KCNIP4: variants seen among roughly 807,000 people sequenced by gnomAD.
KCNIP4 encodes the protein potassium voltage-gated channel interacting protein 4.
A neutral mutation model predicts 34.0 loss-of-function variants in KCNIP4; 12 were observed. The ratio of observed to expected loss-of-function variants is 0.35; its 90% CI spans 0.23 to 0.57. The LOEUF (loss-of-function observed/expected upper bound fraction) is 0.57, where lower values mean the gene tolerates loss of function less well. Ranked by LOEUF, KCNIP4 falls within the 20% of genes least tolerant of loss-of-function variation. The probability of loss-of-function intolerance (pLI) is 0.83; values close to 1 mark genes in which losing one functional copy is unlikely to be tolerated. For missense variants in KCNIP4, 238 were observed against 311.7 expected, an observed-to-expected ratio of 0.76 and a Z score of 1.78; for synonymous variants, 124 against 102.2, an observed-to-expected ratio of 1.21 and a Z score of -1.29.
rs568814359 is a variant in KCNIP4 at position 20,982,311 on chromosome 4, G to A, written c.62-99602C>T. Among the ~76,000 whole-genome samples, 19 of 152,214 alleles carry A rather than the reference G, an allele frequency of 1.2e-4. No homozygotes were observed. In the South Asian group the frequency reaches 3.1e-3, roughly 25 times the overall value. On this transcript the variant is annotated intron_variant, in intron 1 of 8. Coordinates refer to ENST00000382152, the MANE Select transcript of KCNIP4 (RefSeq NM_025221.6). Reference sequence around the variant, plus strand: ...TCAACTAAGTCCAGAGAACCAAAACGTGGTGACAAAACAGAAGCAAATTAT... The same window carrying A: ...TCAACTAAGTCCAGAGAACCAAAACATGGTGACAAAACAGAAGCAAATTAT...
intron 1 of KCNIP4, among the ~76,000 whole-genome samples, chr4:21,254,182 A>T (rs1760906903): frequency 6.6e-6 from 1 of 152,236 alleles, no homozygotes; most frequent in African/African-American, 2.4e-5. Context: ...ATACATTCAG[A>T]CATAGATTTC....
At chr4:21,118,474 A>C (rs1305983683) in intron 1 of KCNIP4, among the ~76,000 whole-genome samples, 2 of 152,054 alleles carry the variant, frequency 1.3e-5, no homozygotes, top group Non-Finnish European at 2.9e-5. Flanking sequence ...CAATCAGGGC[A>C]CTCCTGAAGC....
At chr4:21,825,818 GAC>G (rs1722648177) in intron 1 of KCNIP4, among the ~76,000 whole-genome samples, 3 of 151,592 alleles carry the variant, frequency 2.0e-5, no homozygotes. Context: ...GGAAAAACAA[GAC>G]GGTTTCAGGT....
At chr4:21,296,253 T>C (rs1349483253) in intron 1 of KCNIP4, among the ~76,000 whole-genome samples, 1 of 152,092 alleles carries the variant, frequency 6.6e-6, no homozygotes, top group Non-Finnish European at 1.5e-5. Flanking sequence ...AATTTTGCAT[T>C]AGTAACCATG....
intron 1 of KCNIP4, chr4:21,848,953 T>TGTGTGTCC (rs1553937922): frequency 2.0e-5 from 3 of 150,446 alleles, no homozygotes; most frequent in Non-Finnish European, 4.4e-5. Context: ...TATATGTGTG[T>TGTGTGTCC]GTGTGTGTGT....
intron 3 of KCNIP4, among the ~76,000 whole-genome samples, chr4:20,840,576 C>G (rs1719600363): frequency 1.3e-5 from 2 of 152,104 alleles, no homozygotes; most frequent in Admixed American, 1.3e-4. Flanking sequence ...AACTGAGGAC[C>G]AGATGCAGAT....
chr4:21,451,813 A>G (rs1314204139), intron 1 of KCNIP4, among the ~76,000 whole-genome samples: 3 of 152,142 alleles, frequency 2.0e-5, no homozygotes, highest in South Asian at 2.1e-4. Context: ...TTTACTGCTA[A>G]CAACATACCA....
chr4:21,091,673 C>G (rs11945692), intron 1 of KCNIP4, among the ~76,000 whole-genome samples: 1 of 152,054 alleles, frequency 6.6e-6, no homozygotes, highest in Admixed American at 6.6e-5. Context: ...AGTCCAAAAT[C>G]TGTGCCAGCA....
chr4:21,214,417 G>C (rs981210547), intron 1 of KCNIP4, among the ~76,000 whole-genome samples: 1 of 152,010 alleles, frequency 6.6e-6, no homozygotes, highest in Non-Finnish European at 1.5e-5. Flanking sequence ...CTTTCATTAG[G>C]CTGACTTCCC....
intron 1 of KCNIP4, among the ~76,000 whole-genome samples, chr4:21,072,837 G>A (rs1365568089): frequency 3.3e-5 from 5 of 152,110 alleles, no homozygotes; most frequent in Non-Finnish European, 5.9e-5. Context: ...GTGTAAGGAA[G>A]GGATCCAGTT....
At chr4:21,287,812 C>T (rs1317330708) in intron 1 of KCNIP4, among the ~76,000 whole-genome samples, 1 of 152,024 alleles carries the variant, frequency 6.6e-6, no homozygotes, top group Non-Finnish European at 1.5e-5. Flanking sequence ...CCACCTTATC[C>T]TGCTTTTTGC....
intron 1 of KCNIP4, among the ~76,000 whole-genome samples, chr4:21,010,297 T>A (rs1241082635): frequency 6.6e-6 from 1 of 152,214 alleles, no homozygotes; most frequent in Middle Eastern, 3.2e-3. Context: ...AGGATGTGAC[T>A]ATAAAGTGAT....
At chr4:21,425,360 T>C (rs1429377831) in intron 1 of KCNIP4, among the ~76,000 whole-genome samples, 1 of 152,158 alleles carries the variant, frequency 6.6e-6, no homozygotes, top group Non-Finnish European at 1.5e-5. Flanking sequence ...TAAAACTGTC[T>C]GCGATAATAA....
chr4:21,473,100 G>A (rs548966099), intron 1 of KCNIP4, among the ~76,000 whole-genome samples: 19 of 152,260 alleles, frequency 1.2e-4, no homozygotes, highest in Admixed American at 3.3e-4. Flanking sequence ...GCAACGTTTC[G>A]TTAGAAATTG....
rs1742383328 is a variant in KCNIP4, at chr4:21,593,480, C to T, written c.61+355091G>A. On this transcript the variant is annotated intron_variant, in intron 1 of 8. Transcript: ENST00000382152. The stretch of plus-strand genomic sequence containing the variant: ...TAGAATTCTCGGATTCTGAGGTTGC[C>T]GTCTGTACCACATTTGCCACTGTGG... 3.3e-5 allele frequency among the ~76,000 whole-genome samples: 5 copies of T among 152,002 alleles called. No homozygotes were observed. The South Asian group carries it at 6.2e-4, about 19-fold the overall frequency.
chr4:21,909,941 T>C (rs1728209935), intron 1 of KCNIP4, among the ~76,000 whole-genome samples: 1 of 151,976 alleles, frequency 6.6e-6, no homozygotes, highest in Non-Finnish European at 1.5e-5. Context: ...TCCCACCAGG[T>C]CCCTCCCACA....
chr4:21,834,072 T>C (rs1281726053), intron 1 of KCNIP4, among the ~76,000 whole-genome samples: 6 of 152,182 alleles, frequency 3.9e-5, no homozygotes, highest in African/African-American at 1.4e-4. Flanking sequence ...CTTGGCTATG[T>C]GGGCTCTTTT....
chr4:21,444,460 G>T (rs1200104769), intron 1 of KCNIP4, among the ~76,000 whole-genome samples: 1 of 151,644 alleles, frequency 6.6e-6, no homozygotes, highest in East Asian at 1.9e-4. Context: ...GGGATGCAAG[G>T]CTGGTTCAAC....
intron 1 of KCNIP4, among the ~76,000 whole-genome samples, chr4:21,011,429 G>A (rs1226888868): frequency 6.6e-6 from 1 of 152,112 alleles, no homozygotes; most frequent in African/African-American, 2.4e-5. Flanking sequence ...ATTTCCATCG[G>A]TACTTTTCCA....
Sources: gnomAD v4.1 joint callset for allele counts (sites outside exome capture counted in the v4.1 genomes callset) on GRCh38, gnomAD v4.1.1 for gene constraint, MANE v1.5 for transcripts, NCBI Gene and HGNC (gene_info 2026-07-23, HGNC 2026-07-21) for gene names.